The following CRIM1 variants were observed in gnomAD, a reference collection of about 807,000 sequenced individuals.
The protein encoded by CRIM1 is cysteine-rich motor neuron 1 protein.
In CRIM1, 32 loss-of-function variants were observed where a neutral mutation model predicts 116.4. The ratio of observed to expected loss-of-function variants is 0.27; its 90% confidence interval spans 0.21 to 0.37. The LOEUF (loss-of-function observed/expected upper bound fraction) is 0.37. Ranked by LOEUF, CRIM1 falls within the 10% of genes least tolerant of loss-of-function variation. The pLI is 1.00. For synonymous variants in CRIM1, 590 were observed against 509.2 expected, an observed-to-expected ratio of 1.16 and a Z score of -2.13; for missense variants, 1,331 against 1,354.8, an observed-to-expected ratio of 0.98 and a Z score of 0.28.
At chr2:36,520,577 G>A (rs1373182493) in intron 12 of CRIM1, among the ~76,000 whole-genome samples, 1 of 152,160 alleles carries the variant, frequency 6.6e-6, no homozygotes, top group Non-Finnish European at 1.5e-5. Flanking sequence ...GAGTACCATG[G>A]AGCCGTGGAA....
intron 10 of CRIM1, 104 bp downstream of exon 10, chr2:36,512,498 A>G (rs1447012382): frequency 4.8e-5 from 60 of 1,257,230 alleles, no homozygotes; most frequent in Non-Finnish European, 6.3e-5. Flanking sequence ...GTTGCTGCCT[A>G]TTCTAACACA....
intron 4 of CRIM1, among the ~76,000 whole-genome samples, chr2:36,454,568 G>A (rs1051372547): frequency 5.3e-5 from 8 of 152,192 alleles, no homozygotes; most frequent in African/African-American, 1.9e-4. Context: ...CAGCACAGAG[G>A]AAGTCAAAGG....
chr2:36,525,784 A>T (rs890367928), intron 13 of CRIM1, among the ~76,000 whole-genome samples: 1 of 152,154 alleles, frequency 6.6e-6, no homozygotes, highest in African/African-American at 2.4e-5. Flanking sequence ...AAAAACCTCA[A>T]ACTCACAATT....
intron 15 of CRIM1, among the ~76,000 whole-genome samples, chr2:36,545,298 A>AT (rs1667242575): frequency 6.6e-6 from 1 of 152,190 alleles, no homozygotes; most frequent in Admixed American, 6.5e-5. Flanking sequence ...AGAAAGTCAA[A>AT]TTCCTGGACC....
intron 13 of CRIM1, among the ~76,000 whole-genome samples, chr2:36,530,993 G>A (rs987041104): frequency 6.6e-6 from 1 of 152,172 alleles, no homozygotes; most frequent in Admixed American, 6.5e-5. Context: ...CACTCGGGGG[G>A]CCTTGATCTC....
intron 13 of CRIM1, among the ~76,000 whole-genome samples, chr2:36,525,579 A>G (rs1296873106): frequency 6.6e-6 from 1 of 152,134 alleles, no homozygotes; most frequent in African/African-American, 2.4e-5. Flanking sequence ...GGCACCAAAG[A>G]CCAGTGCTCG....
chr2:36,521,907 A>ATT (rs1665419598), intron 12 of CRIM1, among the ~76,000 whole-genome samples, 185 bp from the exon 13 acceptor site: 1 of 152,056 alleles, frequency 6.6e-6, no homozygotes, highest in Non-Finnish European at 1.5e-5. Flanking sequence ...CTCTTTTTTG[A>ATT]TCTTTGTTAT....
intron 11 of CRIM1, among the ~76,000 whole-genome samples, chr2:36,516,998 C>T (rs1665071943): frequency 6.6e-6 from 1 of 152,190 alleles, no homozygotes; most frequent in Admixed American, 6.5e-5. Context: ...GAGACAGTTC[C>T]TACACATTCA....
chr2:36,385,287 G>A (rs1671092575), intron 1 of CRIM1, among the ~76,000 whole-genome samples: 1 of 152,194 alleles, frequency 6.6e-6, no homozygotes, highest in Admixed American at 6.5e-5. Context: ...GAGTGCTGAA[G>A]TTGATTTGTA....
At chr2:36,501,575 A>T (rs774314025) in intron 8 of CRIM1, among the ~76,000 whole-genome samples, 3 of 152,102 alleles carry the variant, frequency 2.0e-5, no homozygotes, top group Non-Finnish European at 4.4e-5. Context: ...TACAAAAGCT[A>T]GCCAGGCATG....
chr2:36,477,271 T>A (rs931428176), intron 6 of CRIM1, among the ~76,000 whole-genome samples, 200 bp downstream of exon 6: 1 of 152,188 alleles, frequency 6.6e-6, no homozygotes, highest in Admixed American at 6.5e-5. Context: ...TAAGGGAAGC[T>A]ATGCCTGGGT....
intron 1 of CRIM1, among the ~76,000 whole-genome samples, chr2:36,394,268 T>A (rs1425076051): frequency 6.6e-6 from 1 of 152,262 alleles, no homozygotes; most frequent in Non-Finnish European, 1.5e-5. Context: ...TTACAAGTTT[T>A]TTTTAATTCC....
chr2:36,448,672 T>C (rs1676444829), intron 4 of CRIM1, among the ~76,000 whole-genome samples: 1 of 83,508 alleles, frequency 1.2e-5, no homozygotes, highest in African/African-American at 5.7e-5. Context: ...CTATTTTAAA[T>C]TTATTTTTAT....
At chr2:36,487,391 T>C (rs1679901800) in intron 7 of CRIM1, among the ~76,000 whole-genome samples, 1 of 152,196 alleles carries the variant, frequency 6.6e-6, no homozygotes, top group Non-Finnish European at 1.5e-5. Context: ...AATGTATACT[T>C]ACTCCAGGGA....
chr2:36,399,605 G>A (rs1435360590), intron 2 of CRIM1, among the ~76,000 whole-genome samples: 1 of 152,166 alleles, frequency 6.6e-6, no homozygotes, highest in Non-Finnish European at 1.5e-5. Flanking sequence ...ACTGAAAATA[G>A]GGGTAATTAT....
chr2:36,422,224 A>G (rs910769870), intron 2 of CRIM1, among the ~76,000 whole-genome samples: 11 of 151,826 alleles, frequency 7.2e-5, no homozygotes, highest in African/African-American at 2.7e-4. Context: ...TTGCGGTTTT[A>G]TCTTATATAT....
chr2:36,472,130 A>G (rs969553058), intron 5 of CRIM1, among the ~76,000 whole-genome samples: 20 of 152,340 alleles, frequency 1.3e-4, no homozygotes, highest in East Asian at 3.9e-4. Context: ...AAAAATCACT[A>G]AAAAGGCACT....
At chr2:36,430,005 G>A (rs1358290116) in intron 2 of CRIM1, among the ~76,000 whole-genome samples, 2 of 152,204 alleles carry the variant, frequency 1.3e-5, no homozygotes, top group East Asian at 1.9e-4. Flanking sequence ...CTGCTGAAAG[G>A]AGTGTAAGTA....
At chr2:36,542,186 C>T (rs1666991108) in intron 14 of CRIM1, among the ~76,000 whole-genome samples, 1 of 152,184 alleles carries the variant, frequency 6.6e-6, no homozygotes, top group Non-Finnish European at 1.5e-5. Context: ...AAGTGGCTGT[C>T]AGGCATCACT....
Sources: allele counts gnomAD v4.1 joint callset (sites outside exome capture counted in the v4.1 genomes callset), GRCh38; gene constraint gnomAD v4.1.1; transcripts MANE v1.5; gene names NCBI Gene and HGNC (gene_info 2026-07-23, HGNC 2026-07-21).